SIN3A: variants seen among roughly 807,000 people sequenced by gnomAD.
The protein encoded by SIN3A is paired amphipathic helix protein Sin3a.
In SIN3A, 14 loss-of-function variants were observed where a neutral mutation model predicts 146.1. The ratio of observed to expected loss-of-function variants is 0.10; its 90% CI spans 0.06 to 0.15. The LOEUF (loss-of-function observed/expected upper bound fraction) is 0.15. Ranked by LOEUF, SIN3A falls within the 10% of genes least tolerant of loss-of-function variation. The pLI, the probability that SIN3A is intolerant of heterozygous loss-of-function variation, is 1.00. For missense variants in SIN3A, 1,028 were observed against 1,576.0 expected, an observed-to-expected ratio of 0.65 and a Z score of 5.89; for synonymous variants, 572 against 572.0, an observed-to-expected ratio of 1.00 and a Z score of 0.00.
At chr15:75,399,963 C>A (rs955676184) in intron 12 of SIN3A, 77 bp downstream of exon 12, 75 of 813,062 alleles carry the variant, frequency 9.2e-5, no homozygotes, top group Non-Finnish European at 1.5e-4. Context: ...ATCTTAATAA[C>A]CCTCAGAGAC....
intron 1 of SIN3A, among the ~76,000 whole-genome samples, chr15:75,448,668 T>C (rs768310844): frequency 9.9e-5 from 15 of 152,162 alleles, no homozygotes; most frequent in South Asian, 4.1e-4. Context: ...GGCTGGTGGA[T>C]TGCCCAGAAA....
At chr15:75,423,343 A>C (rs2073871234) in intron 2 of SIN3A, among the ~76,000 whole-genome samples, 1 of 152,176 alleles carries the variant, frequency 6.6e-6, no homozygotes, top group Non-Finnish European at 1.5e-5. Flanking sequence ...GGTTAAATAA[A>C]TTACAGCCCA....
chr15:75,424,159 G>A (rs1391710050), intron 2 of SIN3A, among the ~76,000 whole-genome samples: 2 of 151,976 alleles, frequency 1.3e-5, no homozygotes, highest in African/African-American at 4.8e-5. Flanking sequence ...CCCGCCGGGC[G>A]TGGTGGCTCA....
chr15:75,440,152 A>AAAAT (rs925787062), intron 1 of SIN3A, among the ~76,000 whole-genome samples: 19 of 151,932 alleles, frequency 1.3e-4, no homozygotes, highest in African/African-American at 4.1e-4. Flanking sequence ...CTCCCTCTCA[A>AAAAT]AAATAAATAA....
chr15:75,437,628 G>A (rs2074129949), intron 1 of SIN3A, among the ~76,000 whole-genome samples: 2 of 152,070 alleles, frequency 1.3e-5, no homozygotes, highest in Non-Finnish European at 2.9e-5. Context: ...CTTGCAGAGG[G>A]GTACAGTGTA....
rs774568750 is a variant in SIN3A at position 75,411,651 on chromosome 15, G to A, written c.849C>T (p.His283=). The A allele has an allele frequency of 2.5e-6, 4 of 1,614,070 alleles. No homozygotes were observed. In the African/African-American group the frequency reaches 5.3e-5, roughly 22 times the overall value. ...TTCCCAACGAGATTGTCACTGGTGT[G>A]TGAGGCTGGACCGGCGGAGAACGTG... The part of the protein sequence containing the change: ...ASPRSPPVQP[H]TPVTISLGTA... The change falls in exon 6 of 21, where the codon CAC becomes CAT. Residue 283 remains histidine, a synonymous_variant. Coordinates refer to ENST00000394947, the MANE Select transcript of SIN3A (RefSeq NM_001145358.2).
intron 3 of SIN3A, among the ~76,000 whole-genome samples, chr15:75,414,768 C>T (rs544421709): frequency 1.3e-5 from 2 of 152,248 alleles, no homozygotes; most frequent in Admixed American, 6.5e-5. Flanking sequence ...GACACGTCTT[C>T]TCCACCAAAA....
Position 75,375,938 on chromosome 15 carries a change from G to A in SIN3A, c.3384-66C>T, listed in dbSNP as rs1026333745. ...TGCAGATTCCCGTGACTTCCCCAAA[G>A]TGAGTTTTCTTTATTATATGCTTGC... On this transcript the variant is annotated intron_variant, in intron 19 of 20. Transcript: ENST00000394947. 2.1e-5 allele frequency: 32 copies of A among 1,511,282 alleles called. No individual in the cohort carries two copies. In the African/African-American group the frequency reaches 2.7e-4, roughly 13 times the overall value. 93.6% of individuals were successfully genotyped at this position (1,511,282 alleles called of 1,614,324 possible). A position where few individuals can be genotyped will look rare whatever the true frequency, so the allele number is the denominator to read the frequency against.
At chr15:75,423,867 G>A (rs2073881058) in intron 2 of SIN3A, among the ~76,000 whole-genome samples, 1 of 151,792 alleles carries the variant, frequency 6.6e-6, no homozygotes, top group South Asian at 2.1e-4. Flanking sequence ...GTGGTAACAC[G>A]CATCTGTAAT....
chr15:75,404,333 C>G (rs2141466986), intron 9 of SIN3A, among the ~76,000 whole-genome samples: 1 of 152,298 alleles, frequency 6.6e-6, no homozygotes, highest in South Asian at 2.1e-4. Context: ...AACCTATGTA[C>G]TCACCCCAAC....
intron 1 of SIN3A, among the ~76,000 whole-genome samples, chr15:75,431,043 T>C (rs900748915): frequency 5.9e-5 from 9 of 152,242 alleles, no homozygotes; most frequent in African/African-American, 2.2e-4. Context: ...CCCAAAGTGC[T>C]GGGATTACAG....
intron 3 of SIN3A, chr15:75,420,477 TG>T (rs1156323283): frequency 6.6e-6 from 1 of 152,176 alleles, no homozygotes; most frequent in Non-Finnish European, 1.5e-5. Flanking sequence ...CTCTGCCTCC[TG>T]GGTTCCAACG....
intron 2 of SIN3A, among the ~76,000 whole-genome samples, chr15:75,429,474 G>T (rs1007463026): frequency 6.6e-6 from 1 of 152,128 alleles, no homozygotes; most frequent in East Asian, 1.9e-4. Context: ...ACTGCATGGG[G>T]GGAAGTCAGT....
At chr15:75,450,166 AAAGTCT>A (rs2074376393) in intron 1 of SIN3A, among the ~76,000 whole-genome samples, 1 of 152,054 alleles carries the variant, frequency 6.6e-6, no homozygotes, top group Admixed American at 6.6e-5. Flanking sequence ...TATTTTATTC[AAAGTCT>A]GAGTTCTTAA....
rs138484915 is a variant in SIN3A, at chr15:75,418,926, T to C, written c.366+3721A>G. Among the ~76,000 whole-genome samples, 254 of 152,192 alleles carry C rather than the reference T, an allele frequency of 1.7e-3. 1 individual carries two copies. Among genetic ancestry groups the C allele is most frequent in the African/African-American group, 5.0e-3 (206 of 41,532 alleles). On this transcript the variant is annotated intron_variant, in intron 3 of 20. Coordinates refer to ENST00000394947, the MANE Select transcript of SIN3A (RefSeq NM_001145358.2). ...CCCGCCACCACGGCCGGCTAATTTTTTTTTCTATTTTTAGTAGAGACGGGA... is the reference window on the plus strand; with the variant it reads ...CCCGCCACCACGGCCGGCTAATTTTCTTTTCTATTTTTAGTAGAGACGGGA...
intron 1 of SIN3A, among the ~76,000 whole-genome samples, chr15:75,450,518 C>T (rs978508394): frequency 2.6e-5 from 4 of 152,224 alleles, no homozygotes; most frequent in African/African-American, 9.6e-5. Flanking sequence ...CCAGCACCAG[C>T]CACGCACGCT....
intron 9 of SIN3A, among the ~76,000 whole-genome samples, chr15:75,405,104 C>T (rs2073484967): frequency 6.6e-6 from 1 of 152,074 alleles, no homozygotes; most frequent in Non-Finnish European, 1.5e-5. Flanking sequence ...TGGTGGCTCA[C>T]ACCTGTAATC....
chr15:75,454,367 G>T (rs2141658248), upstream of SIN3A, among the ~76,000 whole-genome samples: 1 of 152,196 alleles, frequency 6.6e-6, no homozygotes, highest in East Asian at 1.9e-4. Context: ...CCCTGCAGGC[G>T]GGTTGCACAA....
rs939053954 is a variant in SIN3A, at chr15:75,375,822, T to C, written c.3434A>G (p.Lys1145Arg). The C allele has an allele frequency of 1.2e-6, 2 of 1,614,164 alleles. No homozygotes were observed. The highest frequency in any genetic ancestry group is 3.3e-5 in the Admixed American group (2 of 60,028). ...CTTGCTGTTTCCTTCCTTCCCTTCC[T>C]TTTCCTGCTGCTCTCGACCACGTTG... Reference protein sequence around the residue: ...KCQRGREQQEKEGKEGNSKKT... With the variant: ...KCQRGREQQEREGKEGNSKKT... Residue 1145 changes from lysine (K) to arginine (R), a missense_variant, in exon 20 of 21, where the codon AAG becomes AGG. Lys to Arg is a conservative substitution (Grantham distance 26). This residue lies in a region of SIN3A where 488 missense variants were observed against 690.2 expected (regional missense o/e 0.71). Transcript: ENST00000394947.
Sources: gnomAD v4.1 joint callset for allele counts (sites outside exome capture counted in the v4.1 genomes callset) on GRCh38, gnomAD v4.1.1 for gene constraint, gnomAD v4.1.1 regional missense constraint, MANE v1.5 for transcripts, NCBI Gene and HGNC (gene_info 2026-07-23, HGNC 2026-07-21) for gene names.